Variants in GZMM observed in about 807,000 individuals in gnomAD.
The protein encoded by GZMM is granzyme M.
A neutral mutation model predicts 19.2 loss-of-function variants in GZMM; 23 were observed. The ratio of observed to expected loss-of-function variants is 1.20; its 90% CI spans 0.86 to 1.69. The LOEUF is 1.69. Ranked by LOEUF, GZMM falls within the 40% of genes most tolerant of loss-of-function variation. The pLI is 0.00. For synonymous variants in GZMM, 178 were observed against 160.2 expected, an observed-to-expected ratio of 1.11 and a Z score of -0.84; for missense variants, 373 against 352.2, an observed-to-expected ratio of 1.06 and a Z score of -0.47.
At chr19:549,513 C>T (rs1980431859) in intron 4 of GZMM, 117 bp from the exon 5 acceptor site, 1 of 1,085,512 alleles carries the variant, frequency 9.2e-7, no homozygotes, top group African/African-American at 1.6e-5. Context: ...GGGAGCAGCC[C>T]CTGTGTCTCC....
intron 2 of GZMM, 36 bp from the exon 3 acceptor site, chr19:548,506 G>C (rs1393429234): frequency 6.2e-7 from 1 of 1,607,972 alleles, no homozygotes; most frequent in Admixed American, 1.7e-5. Flanking sequence ...TCCACGCCGG[G>C]CCAGGCCGCA....
chr19:544,842 ATCCCTCCC>A (rs1180653417), intron 1 of GZMM, among the ~76,000 whole-genome samples: 1 of 115,078 alleles, frequency 8.7e-6, no homozygotes, highest in East Asian at 2.6e-4. Flanking sequence ...TCCATCATCC[ATCCCTCCC>A]TCCCTCCTTT....
intron 4 of GZMM, among the ~76,000 whole-genome samples, chr19:549,386 A>AC (rs1329075965): frequency 1.3e-5 from 2 of 152,200 alleles, no homozygotes; most frequent in African/African-American, 2.4e-5. Flanking sequence ...GCGCAAGACC[A>AC]CACAGCCGGG....
chr19:549,189 A>T lies in GZMM; in HGVS notation c.612+4A>T, dbSNP rs758662103. Reference sequence around the variant, plus strand: ...CAAGGACCAGGCTCCCTGCAAGGTGAGGGGCGCCCGGGTGGGGCTGGGGGA... The same window carrying T: ...CAAGGACCAGGCTCCCTGCAAGGTGTGGGGCGCCCGGGTGGGGCTGGGGGA... On this transcript the variant is annotated splice_donor_region_variant and intron_variant, in intron 4 of 4. Transcript: ENST00000264553. The T allele has an allele frequency of 6.4e-7, 1 of 1,562,984 alleles. No individual in the cohort carries two copies. Among genetic ancestry groups the T allele is most frequent in the Admixed American group, 1.9e-5 (1 of 52,896 alleles).
chr19:548,285 G>T (rs1005633368), intron 2 of GZMM, among the ~76,000 whole-genome samples: 1 of 152,176 alleles, frequency 6.6e-6, no homozygotes, highest in South Asian at 2.1e-4. Context: ...TAGGCTTGGG[G>T]TTGGATTTTT....
intron 4 of GZMM, 66 bp downstream of exon 4, chr19:549,251 C>A (rs1446082553): frequency 1.4e-6 from 2 of 1,461,490 alleles, no homozygotes; most frequent in Admixed American, 4.4e-5. Context: ...AGGGCAGCCG[C>A]CGGGCAGGTT....
At chr19:548,205 T>C (rs1161006870) in intron 2 of GZMM, among the ~76,000 whole-genome samples, 3 of 152,184 alleles carry the variant, frequency 2.0e-5, no homozygotes, top group African/African-American at 7.2e-5. Context: ...TCAACCCCTG[T>C]ACAAATCACT....
In GZMM at chr19:549,135, C is replaced by A. The variant is rs1980413711; in HGVS notation, c.562C>A (p.Pro188Thr). ...NSRFWNGSLS[P>T]SMVCLAADSK... ...CCGCTTCTGGAACGGCAGCCTCTCC[C>A]CCAGCATGGTCTGCCTGGCGGCCGA... Residue 188 changes from proline to threonine, a missense_variant, in exon 4 of 5, where the codon CCC becomes ACC. Physicochemically the swap from Pro to Thr is conservative, Grantham distance 38. Coordinates refer to ENST00000264553, the MANE Select transcript of GZMM (RefSeq NM_005317.4). The A allele has an allele frequency of 6.3e-7, 1 of 1,579,980 alleles. No homozygotes were observed. Among genetic ancestry groups the A allele is most frequent in the Admixed American group, 1.8e-5 (1 of 54,626 alleles).
Position 548,557 on chromosome 19 carries a change from G to A in GZMM, c.228G>A (p.Arg76=), listed in dbSNP as rs376460584. 2.2e-5 allele frequency: 35 copies of A among 1,613,298 alleles called. No individual in the cohort carries two copies. The highest frequency in any genetic ancestry group is 3.0e-5 in the Non-Finnish European group (35 of 1,179,732). The change falls in exon 3 of 5, where the codon AGG becomes AGA. Residue 76 remains arginine, a synonymous_variant. Transcript: ENST00000264553. ...CTGTCCCCAGGATGGCCCAGCTGAG[G>A]CTGGTGCTGGGGCTCCACACCCTGG... ...HCLAQRMAQL[R]LVLGLHTLDS... is the part of the protein sequence containing the mutation.
intron 4 of GZMM, 109 bp downstream of exon 4, chr19:549,294 A>C: frequency 2.2e-6 from 2 of 920,694 alleles, no homozygotes; most frequent in Non-Finnish European, 3.2e-6. Flanking sequence ...GAGTCCTGTC[A>C]GGGGCTGGGG....
In GZMM at chr19:549,048, C is replaced by T. The variant is rs1204227661; in HGVS notation, c.475C>T (p.Leu159=). 1.3e-6 allele frequency: 2 copies of T among 1,596,976 alleles called. No individual in the cohort carries two copies. The highest frequency in any genetic ancestry group is 3.5e-5 in the Admixed American group (2 of 57,234). ...GGGGCTGACCCACCAGGGCGGGCGCCTGTCCCGGGTGCTGCGGGAGCTGGA... is the reference window on the plus strand; with the variant it reads ...GGGGCTGACCCACCAGGGCGGGCGCTTGTCCCGGGTGCTGCGGGAGCTGGA... The part of the protein sequence containing the change: ...GWGLTHQGGR[L]SRVLRELDLQ... The change falls in exon 4 of 5, where the codon CTG becomes TTG. Residue 159 remains leucine, a synonymous_variant. Transcript: ENST00000264553.
At position 549,863 on chromosome 19, in the gene GZMM, G is replaced by T; in HGVS notation, c.*72G>T. Reference sequence around the variant, plus strand: ...CCCCTCCAGGGGTGCAGTGGGGTGGGTGAGGACGGGTGGGAGGGACAGGGA... The same window carrying T: ...CCCCTCCAGGGGTGCAGTGGGGTGGTTGAGGACGGGTGGGAGGGACAGGGA... On this transcript the variant is annotated 3_prime_UTR_variant, in exon 5 of 5. Coordinates refer to ENST00000264553, the MANE Select transcript of GZMM (RefSeq NM_005317.4). 14 of 553,208 alleles carry T rather than the reference G, an allele frequency of 2.5e-5. No homozygotes were observed. Among genetic ancestry groups the T allele is most frequent in the Non-Finnish European group, 3.3e-5 (10 of 303,194 alleles). 34.3% of individuals were successfully genotyped at this position (553,208 alleles called of 1,614,324 possible).
chr19:549,127 GCCTCT>G lies in GZMM; in HGVS notation c.557_561del (p.Leu186ProfsTer19), dbSNP rs1980413032. 2 of 1,580,594 alleles carry G rather than the reference GCCTCT, an allele frequency of 1.3e-6. No homozygotes were observed. Among genetic ancestry groups the G allele is most frequent in the Admixed American group, 3.7e-5 (2 of 54,666 alleles). On this transcript the variant is annotated frameshift_variant, in exon 4 of 5. Coordinates refer to ENST00000264553, the MANE Select transcript of GZMM (RefSeq NM_005317.4). LOFTEE classifies it high-confidence loss of function. ...AACAACAGCCGCTTCTGGAACGGCA[GCCTCT>G]CCCCCAGCATGGTCTGCCTGGCGGC...
In GZMM at chr19:549,907, T is replaced by C. The variant is rs1338633578; in HGVS notation, c.*116T>C. On this transcript the variant is annotated 3_prime_UTR_variant, in exon 5 of 5. Transcript: ENST00000264553. ...ACAGGGAGGGACCAATAAATCATAA[T>C]GAAGAAACGCTCAGAGCCCGCCTGA... 3.7e-6 allele frequency: 3 copies of C among 803,774 alleles called. No individual in the cohort carries two copies. Among genetic ancestry groups the C allele is most frequent in the African/African-American group, 1.7e-5 (1 of 58,276 alleles). The allele number at this position is 803,774 out of a possible 1,614,324, so 49.8% of individuals were successfully genotyped here.
intron 1 of GZMM, among the ~76,000 whole-genome samples, chr19:545,457 C>T (rs1452061769): frequency 6.6e-6 from 1 of 152,168 alleles, no homozygotes; most frequent in Non-Finnish European, 1.5e-5. Flanking sequence ...AAGCGATTCT[C>T]CTGCCTCAGC....
intron 2 of GZMM, 124 bp downstream of exon 2, chr19:547,560 C>CT: frequency 1.4e-6 from 1 of 725,508 alleles, no homozygotes. Flanking sequence ...CTCCCGGTGA[C>CT]GACTTAGGCA....
chr19:547,429 GC>G lies in GZMM; in HGVS notation c.208del (p.Gln70SerfsTer6). ...GGTGCTGACGGCTGCCCACTGCCTG[GC>G]CCAGCGGTGAGTACCCTGCCCTGCC... is the stretch of plus-strand genomic sequence containing the variant. ...KWVLTAAHCL[A>X]QRMAQLRLVL... is the part of the protein sequence containing the mutation. On this transcript the variant is annotated frameshift_variant, in exon 2 of 5. Coordinates refer to ENST00000264553, the MANE Select transcript of GZMM (RefSeq NM_005317.4). LOFTEE classifies it high-confidence loss of function. 1 of 1,457,810 alleles carries G rather than the reference GC, an allele frequency of 6.9e-7. No homozygotes were observed. The allele number at this position is 1,457,810 out of a possible 1,614,324, so 90.3% of individuals were successfully genotyped here. A position where few individuals can be genotyped will look rare whatever the true frequency, so the allele number is the denominator to read the frequency against.
Position 547,133 on chromosome 19 carries a change from AG to A in GZMM, c.56-146del, listed in dbSNP as rs879372579. ...GGATGAAGGGCAGCCCACACGTATC[AG>A]CCTAAAAGTTTCGGGGAACACTGGG... On this transcript the variant is annotated intron_variant, in intron 1 of 4. Transcript: ENST00000264553. The A allele has an allele frequency of 4.9e-5, 30 of 615,682 alleles. No homozygotes were observed. In the Middle Eastern group the frequency reaches 9.7e-4, roughly 20 times the overall value. The allele number at this position is 615,682 out of a possible 1,614,324, so 38.1% of individuals were successfully genotyped here. A position where few individuals can be genotyped will look rare whatever the true frequency, so the allele number is the denominator to read the frequency against.
chr19:548,401 G>A (rs2145860411), intron 2 of GZMM, 141 bp from the exon 3 acceptor site: 1 of 762,376 alleles, frequency 1.3e-6, no homozygotes, highest in Non-Finnish European at 2.1e-6. Flanking sequence ...CACAGGGAAG[G>A]ACTGGCCAAG....
Sources: gnomAD v4.1 joint callset for allele counts (sites outside exome capture counted in the v4.1 genomes callset) on GRCh38, gnomAD v4.1.1 for gene constraint, MANE v1.5 for transcripts, NCBI Gene and HGNC (gene_info 2026-07-23, HGNC 2026-07-21) for gene names.